Variants in NUP54 observed in about 807,000 individuals in gnomAD.
The protein encoded by NUP54 is nucleoporin 54.
NUP54 carries 27 observed loss-of-function variants against 66.4 expected under a neutral mutation model. The observed-to-expected ratio is 0.41, with a 90% CI of 0.30 to 0.56. NUP54 has a LOEUF of 0.56. Among genes scored for constraint, NUP54 ranks in the 20% least tolerant of loss-of-function variants. The probability of loss-of-function intolerance (pLI) is 0.34; values close to 1 mark genes in which losing one functional copy is unlikely to be tolerated. For missense variants in NUP54, 486 were observed against 596.3 expected (o/e 0.82, Z 1.93); for synonymous variants, 206 against 210.7 (o/e 0.98, Z 0.19).
At chr4:76,136,843 G>C (rs918239832) in intron 3 of NUP54, among the ~76,000 whole-genome samples, 1 of 152,184 alleles carries the variant, frequency 6.6e-6, no homozygotes, top group Non-Finnish European at 1.5e-5. Context: ...TTTTAGCACA[G>C]TGAAACCCAC....
intron 11 of NUP54, among the ~76,000 whole-genome samples, 156 bp downstream of exon 11, chr4:76,117,508 A>G (rs1412883558): frequency 6.6e-6 from 1 of 152,182 alleles, no homozygotes; most frequent in Non-Finnish European, 1.5e-5. Flanking sequence ...TGTTTTCCAT[A>G]GAGGCTGAAC....
At chr4:76,136,560 A>G (rs1323468858) in intron 3 of NUP54, 148 bp from the exon 4 acceptor site, 1 of 613,400 alleles carries the variant, frequency 1.6e-6, no homozygotes, top group Admixed American at 3.0e-5. Flanking sequence ...TTACATAGCA[A>G]AAGGGCCTTT....
At position 76,144,196 on chromosome 4, in the gene NUP54, G is replaced by A; in HGVS notation, c.248C>T (p.Thr83Ile). Reference sequence around the variant, plus strand: ...ATTAAATCCTCCAAATCCCAGTCCAGTTCCCAAACCAGTACCTAAACCAGT... The same window carrying A: ...ATTAAATCCTCCAAATCCCAGTCCAATTCCCAAACCAGTACCTAAACCAGT... ...TSTGLGTGLG[T>I]GLGFGGFNTQ... The change falls in exon 3 of 12, where the codon ACT becomes ATT. Residue 83 changes from threonine to isoleucine, a missense_variant. By Grantham distance (89) the Thr-to-Ile change is moderately conservative (BLOSUM62 -1). Around this residue, in one of 4 missense-constraint regions of NUP54, gnomAD observed 145 missense variants for 137.1 expected, o/e 1.06. Coordinates refer to ENST00000264883, the MANE Select transcript of NUP54 (RefSeq NM_017426.4). 6.2e-7 allele frequency: 1 copy of A among 1,613,906 alleles called. No individual in the cohort carries two copies. The highest frequency in any genetic ancestry group is 8.5e-7 in the Non-Finnish European group (1 of 1,179,932).
At chr4:76,120,443 T>TTTC (rs1560675030) in intron 9 of NUP54, among the ~76,000 whole-genome samples, 1 of 116,066 alleles carries the variant, frequency 8.6e-6, no homozygotes, top group East Asian at 2.8e-4. Flanking sequence ...TTTTTTTTTT[T>TTTC]TCCCCAGATG....
intron 11 of NUP54, among the ~76,000 whole-genome samples, chr4:76,116,493 G>A (rs899021268): frequency 2.6e-5 from 4 of 152,054 alleles, no homozygotes; most frequent in African/African-American, 9.7e-5. Flanking sequence ...AAACCAATCT[G>A]CATTTATACT....
intron 8 of NUP54, among the ~76,000 whole-genome samples, chr4:76,127,829 C>T (rs1238021649): frequency 6.6e-6 from 1 of 152,168 alleles, no homozygotes; most frequent in Non-Finnish European, 1.5e-5. Flanking sequence ...AGTGGAAACA[C>T]TGGCCAAAGA....
intron 1 of NUP54, among the ~76,000 whole-genome samples, chr4:76,146,865 C>T (rs904923870): frequency 6.6e-6 from 1 of 152,204 alleles, no homozygotes; most frequent in African/African-American, 2.4e-5. Flanking sequence ...TGCTATATCA[C>T]ATAAAACTAA....
Position 76,134,222 on chromosome 4 carries a change from C to T in NUP54, c.663G>A (p.Gln221=), listed in dbSNP as rs1560686573. The change falls in exon 5 of 12, where the codon CAG becomes CAA. Residue 221 remains glutamine (Q), a synonymous_variant. Coordinates refer to ENST00000264883, the MANE Select transcript of NUP54 (RefSeq NM_017426.4). ...TGCCCTCTACATTTACAGTAAGGGT[C>T]TGGTTTCCTCCCAAAACTTTATGCA... ...ESLHKVLGGN[Q]TLTVNVEGTK... The T allele has an allele frequency of 1.2e-6, 2 of 1,613,720 alleles. No homozygotes were observed.
Position 76,147,892 on chromosome 4 carries a change from G to C in NUP54, c.67+416C>G, listed in dbSNP as rs1488628035. ...ACTAAGGGAGTCAATGGGCAGTGCC[G>C]GTGGATCCCCAGCCCTATCCTCGCC... On this transcript the variant is annotated intron_variant, in intron 1 of 11. Coordinates refer to ENST00000264883, the MANE Select transcript of NUP54 (RefSeq NM_017426.4). 9.8e-6 allele frequency: 3 copies of C among 306,318 alleles called. No individual in the cohort carries two copies. In the East Asian group the frequency reaches 2.3e-4, roughly 23 times the overall value. The allele number at this position is 306,318 out of a possible 1,614,324, so 19.0% of individuals were successfully genotyped here. A position where few individuals can be genotyped will look rare whatever the true frequency, so the allele number is the denominator to read the frequency against.
At chr4:76,134,704 C>A (rs1730957608) in intron 4 of NUP54, among the ~76,000 whole-genome samples, 1 of 147,902 alleles carries the variant, frequency 6.8e-6, no homozygotes, top group Non-Finnish European at 1.5e-5. Flanking sequence ...CAAAAATCAC[C>A]AACTAATTAT....
intron 7 of NUP54, 72 bp from the exon 8 acceptor site, chr4:76,130,821 G>T: frequency 1.1e-6 from 1 of 951,490 alleles, no homozygotes; most frequent in Non-Finnish European, 1.7e-6. Flanking sequence ...GAAGGTTTTA[G>T]TAACACTCAT....
rs760022924 is a variant in NUP54 at position 76,132,655 on chromosome 4, T to C, written c.775A>G (p.Thr259Ala). The change falls in exon 6 of 12, where the codon ACA (threonine) becomes GCA (alanine). Residue 259 changes from threonine to alanine, a missense_variant. Transcript: ENST00000264883. ...PNGTSRRVPATTLYAHFEQAN... is the reference protein window; with the variant it reads ...PNGTSRRVPAATLYAHFEQAN... Reference sequence around the variant, plus strand: ...TGTTCAAAATGGGCATATAGCGTTGTAGCTGGAACTCTTCTTGAAGTACCA... The same window carrying C: ...TGTTCAAAATGGGCATATAGCGTTGCAGCTGGAACTCTTCTTGAAGTACCA... 1.9e-6 allele frequency: 3 copies of C among 1,614,060 alleles called. No individual in the cohort carries two copies. The highest frequency in any genetic ancestry group is 2.5e-6 in the Non-Finnish European group (3 of 1,179,960).
Position 76,144,233 on chromosome 4 carries a change from T to C in NUP54, c.211A>G (p.Thr71Ala), listed in dbSNP as rs529403177. Reference protein sequence around the residue: ...FGFGTGFGTTTGTSTGLGTGL... With the variant: ...FGFGTGFGTTAGTSTGLGTGL... The stretch of plus-strand genomic sequence containing the variant: ...GTACCTAAACCAGTACTAGTTCCCG[T>C]TGTTGTGCCAAAACCAGTACCAAAT... Residue 71 changes from threonine to alanine, a missense_variant, in exon 3 of 12, where the codon ACG becomes GCG. Physicochemically the swap from Thr to Ala is moderately conservative, Grantham distance 58. This residue lies in a region of NUP54 where 145 missense variants were observed against 137.1 expected (regional missense o/e 1.06). Coordinates refer to ENST00000264883, the MANE Select transcript of NUP54 (RefSeq NM_017426.4). The C allele has an allele frequency of 2.2e-5, 35 of 1,613,894 alleles. No homozygotes were observed. The Admixed American group carries it at 3.0e-4, about 14-fold the overall frequency.
chr4:76,115,197 T>G lies in NUP54; in HGVS notation c.*169A>C. 4.1e-6 allele frequency: 2 copies of G among 491,836 alleles called. No individual in the cohort carries two copies. The highest frequency in any genetic ancestry group is 6.8e-6 in the Non-Finnish European group (2 of 294,096). 30.5% of individuals were successfully genotyped at this position (491,836 alleles called of 1,614,324 possible). A position where few individuals can be genotyped will look rare whatever the true frequency, so the allele number is the denominator to read the frequency against. On this transcript the variant is annotated 3_prime_UTR_variant, in exon 12 of 12. Transcript: ENST00000264883. ...AGGTTTTCTTTGAAGAGCTGTGAGG[T>G]GACTATTTCAGATTTGATGAACAGT...
chr4:76,118,938 A>G (rs1026875946), intron 9 of NUP54, among the ~76,000 whole-genome samples: 31 of 152,112 alleles, frequency 2.0e-4, no homozygotes, highest in South Asian at 6.2e-4. Flanking sequence ...CCCGGGAGGC[A>G]GAGCTTGCAG....
intron 3 of NUP54, among the ~76,000 whole-genome samples, chr4:76,143,521 T>C (rs1486711065): frequency 6.6e-6 from 1 of 152,118 alleles, no homozygotes; most frequent in Non-Finnish European, 1.5e-5. Context: ...GAAGTATCGC[T>C]TGAACCTGGG....
chr4:76,120,828 A>G (rs933553495), intron 9 of NUP54, among the ~76,000 whole-genome samples: 2 of 152,150 alleles, frequency 1.3e-5, no homozygotes, highest in Non-Finnish European at 2.9e-5. Flanking sequence ...TGCTTTTTCT[A>G]TGAACTGCCT....
At chr4:76,126,306 A>G (rs1175216273) in intron 8 of NUP54, among the ~76,000 whole-genome samples, 1 of 152,194 alleles carries the variant, frequency 6.6e-6, no homozygotes, top group Non-Finnish European at 1.5e-5. Flanking sequence ...TAATCCCATA[A>G]TTGTCTCTAT....
chr4:76,117,223 C>A (rs944496041), intron 11 of NUP54, among the ~76,000 whole-genome samples: 1 of 152,114 alleles, frequency 6.6e-6, no homozygotes, highest in Non-Finnish European at 1.5e-5. Flanking sequence ...TCTTCAAGGT[C>A]AAATTGCATT....
Sources: allele counts gnomAD v4.1 joint callset (sites outside exome capture counted in the v4.1 genomes callset), GRCh38; gene constraint gnomAD v4.1.1; regional missense constraint gnomAD v4.1.1; transcripts MANE v1.5; gene names NCBI Gene and HGNC (gene_info 2026-07-23, HGNC 2026-07-21).